RAD51B: variants seen among roughly 807,000 people sequenced by gnomAD.
RAD51B encodes RAD51 paralog B.
In RAD51B, 38 loss-of-function variants were observed where a neutral mutation model predicts 42.2. The observed-to-expected ratio is 0.90, with a 90% CI of 0.70 to 1.18. RAD51B has a LOEUF of 1.18. Among genes scored for constraint, RAD51B ranks in the 50% most tolerant of loss-of-function variants. RAD51B has a pLI of 0.00. For synonymous variants in RAD51B, 154 were observed against 145.2 expected (o/e 1.06, Z -0.43); for missense variants, 373 against 400.7 (o/e 0.93, Z 0.59).
In RAD51B at chr14:68,204,866, A is replaced by G. The variant is rs1007855563; in HGVS notation, c.757-87018A>G. Reference sequence around the variant, plus strand: ...TTTCAAGTATACACTGTATTGTTCTATAGCTATTAAAAATCATATTGTATA... The same window carrying G: ...TTTCAAGTATACACTGTATTGTTCTGTAGCTATTAAAAATCATATTGTATA... On this transcript the variant is annotated intron_variant, in intron 7 of 10. Transcript: ENST00000471583. Among the ~76,000 whole-genome samples the G allele has an allele frequency of 2.0e-5, 3 of 152,218 alleles. 1 individual carries two copies. In the East Asian group the frequency reaches 5.8e-4, roughly 29 times the overall value.
At chr14:68,301,051 A>G (rs952382885) in intron 8 of RAD51B, among the ~76,000 whole-genome samples, 8 of 152,184 alleles carry the variant, frequency 5.3e-5, no homozygotes, top group Non-Finnish European at 1.2e-4. Context: ...ATATGTGTAT[A>G]TGTGCAGTGT....
chr14:67,892,215 T>C (rs1411557780), intron 7 of RAD51B, among the ~76,000 whole-genome samples: 1 of 152,330 alleles, frequency 6.6e-6, no homozygotes, highest in East Asian at 1.9e-4. Flanking sequence ...ACCTATCCTA[T>C]GTTCATTCAG....
chr14:67,905,725 G>A (rs2043761897), intron 7 of RAD51B, among the ~76,000 whole-genome samples: 2 of 151,944 alleles, frequency 1.3e-5, no homozygotes, highest in Admixed American at 1.3e-4. Context: ...GGCTGTTGTT[G>A]GTGTATAGAA....
chr14:68,015,837 G>A (rs1043262578), intron 7 of RAD51B, among the ~76,000 whole-genome samples: 4 of 152,098 alleles, frequency 2.6e-5, no homozygotes, highest in Admixed American at 6.5e-5. Context: ...TTAAACAATC[G>A]TTTCACTTTT....
intron 4 of RAD51B, among the ~76,000 whole-genome samples, chr14:67,853,318 C>G (rs1443994564): frequency 1.3e-5 from 2 of 152,348 alleles, no homozygotes; most frequent in East Asian, 1.9e-4. Context: ...CCAACCCTAT[C>G]TGGACTTCTG....
intron 7 of RAD51B, among the ~76,000 whole-genome samples, chr14:67,930,213 T>C (rs1254331428): frequency 6.6e-6 from 1 of 152,204 alleles, no homozygotes; most frequent in Non-Finnish European, 1.5e-5. Flanking sequence ...GAGGTTTTGT[T>C]CCTTCATATT....
chr14:68,420,500 G>T (rs1365567065), intron 9 of RAD51B, among the ~76,000 whole-genome samples: 1 of 152,152 alleles, frequency 6.6e-6, no homozygotes, highest in South Asian at 2.1e-4. Context: ...AAAGAGGTGG[G>T]CAATTCCCAG....
chr14:68,303,230 C>G (rs1487717326), intron 8 of RAD51B, among the ~76,000 whole-genome samples: 4 of 152,024 alleles, frequency 2.6e-5, no homozygotes, highest in Non-Finnish European at 4.4e-5. Flanking sequence ...AACAGAAAAC[C>G]AAACACCGCA....
intron 7 of RAD51B, among the ~76,000 whole-genome samples, chr14:67,946,850 A>AG (rs1195130165): frequency 6.6e-6 from 1 of 152,248 alleles, no homozygotes; most frequent in African/African-American, 2.4e-5. Context: ...CCTGAGGAAC[A>AG]GGATAGTTAT....
chr14:67,866,684 T>C (rs914323578), intron 5 of RAD51B, among the ~76,000 whole-genome samples: 1 of 152,244 alleles, frequency 6.6e-6, no homozygotes, highest in African/African-American at 2.4e-5. Context: ...TTGGGTGATA[T>C]CAGCATACAT....
intron 10 of RAD51B, among the ~76,000 whole-genome samples, chr14:68,608,871 T>C (rs371229282): frequency 3.3e-4 from 50 of 152,266 alleles, no homozygotes; most frequent in African/African-American, 9.6e-4. Context: ...CTGTCACCCA[T>C]CAGCTCTGCA....
At chr14:68,470,119 A>C (rs2086084875) in intron 10 of RAD51B, among the ~76,000 whole-genome samples, 1 of 152,228 alleles carries the variant, frequency 6.6e-6, no homozygotes. Context: ...TGGATCACTA[A>C]AGGAGGCTGA....
chr14:68,373,782 T>C (rs1034472218), intron 8 of RAD51B, among the ~76,000 whole-genome samples: 1 of 152,200 alleles, frequency 6.6e-6, no homozygotes, highest in African/African-American at 2.4e-5. Context: ...ACTTAAAGTA[T>C]AATAAATAAG....
chr14:68,561,567 C>A (rs78341299), intron 10 of RAD51B, among the ~76,000 whole-genome samples: 10,512 of 152,294 alleles, frequency 0.069, 496 homozygotes, highest in South Asian at 0.16. Context: ...CCAGGTAGGT[C>A]AAGGCCTGGG....
chr14:67,910,712 A>G (rs1031322414), intron 7 of RAD51B, among the ~76,000 whole-genome samples: 1 of 152,094 alleles, frequency 6.6e-6, no homozygotes, highest in Admixed American at 6.6e-5. Context: ...AGCCTAGTAT[A>G]ATTTATATTG....
chr14:68,386,554 A>G (rs1193286319), intron 8 of RAD51B, among the ~76,000 whole-genome samples: 2 of 152,304 alleles, frequency 1.3e-5, no homozygotes, highest in East Asian at 3.9e-4. Flanking sequence ...TCATCCAAGA[A>G]TTTTAGCAGC....
intron 10 of RAD51B, among the ~76,000 whole-genome samples, chr14:68,525,913 T>A (rs943231955): frequency 6.6e-6 from 1 of 152,260 alleles, no homozygotes; most frequent in Non-Finnish European, 1.5e-5. Flanking sequence ...TACTTGTGAT[T>A]TACAATTTTC....
chr14:67,847,529 C>T (rs1193401068), intron 4 of RAD51B, among the ~76,000 whole-genome samples: 1 of 152,008 alleles, frequency 6.6e-6, no homozygotes, highest in Non-Finnish European at 1.5e-5. Flanking sequence ...GCCTTAATTT[C>T]TTGTTCACCC....
chr14:68,526,803 T>C (rs980158277), intron 10 of RAD51B, among the ~76,000 whole-genome samples: 1 of 152,110 alleles, frequency 6.6e-6, no homozygotes, highest in African/African-American at 2.4e-5. Context: ...CTGGATTCAG[T>C]TCTTAGGTCC....
Sources: gnomAD v4.1 joint callset for allele counts (sites outside exome capture counted in the v4.1 genomes callset) on GRCh38, gnomAD v4.1.1 for gene constraint, MANE v1.5 for transcripts, NCBI Gene and HGNC (gene_info 2026-07-23, HGNC 2026-07-21) for gene names.